Variants in LRRC4C observed in about 807,000 individuals in gnomAD.
The protein encoded by LRRC4C is leucine rich repeat containing 4C.
In LRRC4C, 5 loss-of-function variants were observed where a neutral mutation model predicts 33.6. The ratio of observed to expected loss-of-function variants is 0.15; its 90% CI spans 0.08 to 0.31. The LOEUF (loss-of-function observed/expected upper bound fraction) is 0.31, where lower values mean the gene tolerates loss of function less well. LRRC4C is among the 10% of genes least tolerant of loss of function. The probability of loss-of-function intolerance (pLI) is 1.00; values close to 1 mark genes in which losing one functional copy is unlikely to be tolerated. For synonymous variants in LRRC4C, 329 were observed against 302.0 expected (o/e 1.09, Z -0.93); for missense variants, 560 against 796.7 (o/e 0.70, Z 3.58).
chr11:40,230,390 G>C (rs1865115153), intron 5 of LRRC4C, among the ~76,000 whole-genome samples: 1 of 152,176 alleles, frequency 6.6e-6, no homozygotes, highest in Non-Finnish European at 1.5e-5. Flanking sequence ...GGTATAAGGG[G>C]TGTGTACCAT....
chr11:40,493,442 T>A (rs961502971), intron 3 of LRRC4C, among the ~76,000 whole-genome samples: 1 of 152,078 alleles, frequency 6.6e-6, no homozygotes, highest in Non-Finnish European at 1.5e-5. Flanking sequence ...TACTGTGTAT[T>A]GGTCATTAGA....
chr11:40,818,002 T>A (rs2135439376), intron 2 of LRRC4C, among the ~76,000 whole-genome samples: 1 of 152,254 alleles, frequency 6.6e-6, no homozygotes, highest in South Asian at 2.1e-4. Flanking sequence ...TTTGTTTGTT[T>A]TTCCCTGAGA....
rs188759290 is a variant in LRRC4C at position 40,739,696 on chromosome 11, G to A, written c.-406-91418C>T. On this transcript the variant is annotated intron_variant, in intron 2 of 6. Transcript: ENST00000528697. The stretch of plus-strand genomic sequence containing the variant: ...AGTGAGTTCTCATGATATCTGATAC[G>A]GTTATAAGCATCTGGCAGTTCTTCT... Among the ~76,000 whole-genome samples, 7 of 151,752 alleles carry A rather than the reference G, an allele frequency of 4.6e-5. No homozygotes were observed. In the South Asian group the frequency reaches 6.2e-4, roughly 14 times the overall value.
chr11:40,170,486 G>A (rs182009234), intron 5 of LRRC4C, among the ~76,000 whole-genome samples: 38 of 151,938 alleles, frequency 2.5e-4, no homozygotes, highest in African/African-American at 8.0e-4. Context: ...TCACAGTGAC[G>A]CTACATTAAG....
intron 1 of LRRC4C, among the ~76,000 whole-genome samples, chr11:41,075,018 T>TTTTTTTTTATTTTC (rs1334277825): frequency 5.6e-5 from 1 of 17,880 alleles, no homozygotes; most frequent in Admixed American, 1.0e-3. Context: ...AATTTTCTTT[T>TTTTTTTTTATTTTC]TTTTTTTTTT....
At chr11:41,314,188 G>T (rs1047592644) in intron 1 of LRRC4C, among the ~76,000 whole-genome samples, 2 of 152,136 alleles carry the variant, frequency 1.3e-5, no homozygotes, top group Non-Finnish European at 2.9e-5. Flanking sequence ...GAGAACAAAT[G>T]ATGTGGGAGT....
At chr11:40,405,859 G>GA in intron 3 of LRRC4C, among the ~76,000 whole-genome samples, 1 of 151,820 alleles carries the variant, frequency 6.6e-6, no homozygotes, top group East Asian at 2.0e-4. Context: ...CAATACTCTA[G>GA]AAAATAGAGG....
intron 2 of LRRC4C, among the ~76,000 whole-genome samples, chr11:40,897,522 G>T (rs887452065): frequency 3.9e-5 from 6 of 152,062 alleles, no homozygotes; most frequent in Non-Finnish European, 8.8e-5. Context: ...ACTGTAGGAA[G>T]AAAATTTAAA....
chr11:40,319,271 T>A (rs1280757033), intron 4 of LRRC4C, among the ~76,000 whole-genome samples: 2 of 152,118 alleles, frequency 1.3e-5, no homozygotes, highest in Non-Finnish European at 2.9e-5. Context: ...TTTAACCCAT[T>A]CTCTTCCCCT....
intron 2 of LRRC4C, among the ~76,000 whole-genome samples, chr11:40,905,192 A>G (rs1294058296): frequency 1.3e-5 from 2 of 152,172 alleles, no homozygotes; most frequent in Non-Finnish European, 2.9e-5. Flanking sequence ...TGATTGTACC[A>G]TATCTGATGA....
rs377286641 is a variant in LRRC4C, at chr11:40,116,203, C to G, written c.90G>C (p.Leu30=). The G allele has an allele frequency of 1.9e-6, 3 of 1,614,032 alleles. No individual in the cohort carries two copies. The African/African-American group carries it at 4.0e-5, about 22-fold the overall frequency. The change falls in exon 7 of 7, where the codon CTG becomes CTC. Residue 30 remains leucine (L), a synonymous_variant. Transcript: ENST00000528697. ...CCACCACAAGAAGTTGAAGAGCCAG[C>G]AGCACCACAAGCAGGGGGTCAAATA... ...RALFDPLLVV[L]LALQLLVVAG...
At position 40,870,436 on chromosome 11, in the gene LRRC4C, A is replaced by G. The variant is rs1229788927; in HGVS notation, c.-407+63199T>C. Among the ~76,000 whole-genome samples, 4 of 152,116 alleles carry G rather than the reference A, an allele frequency of 2.6e-5. No individual in the cohort carries two copies. In the East Asian group the frequency reaches 5.8e-4, roughly 22 times the overall value. Reference sequence around the variant, plus strand: ...TTTTGAATACAAGTTCAACTTTCTCATACTAGAATCAGGGCTGTTGCAGGA... The same window carrying G: ...TTTTGAATACAAGTTCAACTTTCTCGTACTAGAATCAGGGCTGTTGCAGGA... On this transcript the variant is annotated intron_variant, in intron 2 of 6. Transcript: ENST00000528697.
At chr11:40,897,384 T>C (rs926418751) in intron 2 of LRRC4C, among the ~76,000 whole-genome samples, 1 of 152,304 alleles carries the variant, frequency 6.6e-6, no homozygotes, top group African/African-American at 2.4e-5. Flanking sequence ...GAAATCTTAA[T>C]TGAAACATGA....
intron 2 of LRRC4C, among the ~76,000 whole-genome samples, chr11:40,659,449 G>T (rs551643459): frequency 1.3e-5 from 2 of 152,130 alleles, no homozygotes; most frequent in Non-Finnish European, 2.9e-5. Flanking sequence ...ACCAATTCCA[G>T]GTGGAGTCCA....
intron 3 of LRRC4C, among the ~76,000 whole-genome samples, chr11:40,457,963 T>C (rs1284745716): frequency 6.6e-6 from 1 of 152,160 alleles, no homozygotes; most frequent in African/African-American, 2.4e-5. Context: ...AGAACAAACA[T>C]TACCTTTCTA....
At chr11:40,173,911 A>G (rs1312114902) in intron 5 of LRRC4C, among the ~76,000 whole-genome samples, 4 of 152,168 alleles carry the variant, frequency 2.6e-5, no homozygotes, top group African/African-American at 7.2e-5. Flanking sequence ...GGAAGCAACA[A>G]GGTATTGTAG....
chr11:40,751,396 C>T lies in LRRC4C; in HGVS notation c.-406-103118G>A, dbSNP rs11529330. Among the ~76,000 whole-genome samples, 131 of 152,152 alleles carry T rather than the reference C, an allele frequency of 8.6e-4. 2 individuals carry two copies. In the East Asian group the frequency reaches 0.021, roughly 24 times the overall value. On this transcript the variant is annotated intron_variant, in intron 2 of 6. Transcript: ENST00000528697. The stretch of plus-strand genomic sequence containing the variant: ...AGACTCCACCAAAAAACTCTTATAG[C>T]TGATAAGCAAATTCAGAAATGTTGA...
chr11:40,739,496 A>G (rs1332119166), intron 2 of LRRC4C, among the ~76,000 whole-genome samples: 5 of 138,788 alleles, frequency 3.6e-5, no homozygotes, highest in African/African-American at 5.2e-5. Context: ...ATATATACAT[A>G]GACAATCAAT....
At chr11:40,667,765 A>C (rs894714314) in intron 2 of LRRC4C, among the ~76,000 whole-genome samples, 19 of 152,166 alleles carry the variant, frequency 1.2e-4, no homozygotes, top group Non-Finnish European at 4.4e-5. Flanking sequence ...CAACAACAAG[A>C]GATTTGAAGA....
Sources: gnomAD v4.1 joint callset for allele counts (sites outside exome capture counted in the v4.1 genomes callset) on GRCh38, gnomAD v4.1.1 for gene constraint, MANE v1.5 for transcripts, NCBI Gene and HGNC (gene_info 2026-07-23, HGNC 2026-07-21) for gene names.